UNC5D: variants seen among roughly 807,000 people sequenced by gnomAD.
UNC5D encodes the protein unc-5 netrin receptor D, also known as netrin receptor UNC5D.
Under a neutral mutation model 105.4 loss-of-function variants are expected in UNC5D, and 39 were observed. That is an observed-to-expected ratio of 0.37 (90% CI 0.29 to 0.48). The LOEUF (loss-of-function observed/expected upper bound fraction) is 0.48. Among genes scored for constraint, UNC5D ranks in the 20% least tolerant of loss-of-function variants. The pLI, the probability that UNC5D is intolerant of heterozygous loss-of-function variation, is 0.98. For missense variants in UNC5D, 991 were observed against 1,202.4 expected (o/e 0.82, Z 2.60); for synonymous variants, 452 against 450.4 (o/e 1.00, Z -0.04).
chr8:35,366,516 A>G (rs975889219), intron 1 of UNC5D, among the ~76,000 whole-genome samples: 2 of 152,076 alleles, frequency 1.3e-5, no homozygotes, highest in Admixed American at 6.6e-5. Context: ...TTGTCAGCTC[A>G]TCTAGCAAAC....
intron 1 of UNC5D, among the ~76,000 whole-genome samples, chr8:35,455,105 C>T (rs184149710): frequency 2.0e-4 from 31 of 152,196 alleles, no homozygotes; most frequent in African/African-American, 7.2e-4. Flanking sequence ...AATTACTATA[C>T]AAACAGAAGA....
At chr8:35,505,718 T>C (rs1563481580) in intron 1 of UNC5D, among the ~76,000 whole-genome samples, 1 of 152,212 alleles carries the variant, frequency 6.6e-6, no homozygotes, top group Non-Finnish European at 1.5e-5. Context: ...CAACTTTTCA[T>C]TAGGGGCTGT....
chr8:35,305,922 C>G (rs979346324), intron 1 of UNC5D, among the ~76,000 whole-genome samples: 1 of 120,352 alleles, frequency 8.3e-6, no homozygotes, highest in Admixed American at 1.0e-4. Flanking sequence ...TCATTCTTTT[C>G]TCTCTCTCTC....
intron 16 of UNC5D, among the ~76,000 whole-genome samples, chr8:35,777,788 T>C (rs1375550027): frequency 1.3e-5 from 2 of 152,170 alleles, no homozygotes; most frequent in African/African-American, 4.8e-5. Context: ...TTTAAGTGAA[T>C]TTGCCTTGAT....
chr8:35,533,594 T>C (rs920607555), intron 1 of UNC5D, among the ~76,000 whole-genome samples: 2 of 152,248 alleles, frequency 1.3e-5, no homozygotes, highest in African/African-American at 4.8e-5. Flanking sequence ...GCTTCCTGGC[T>C]GCTTTGTTTA....
chr8:35,612,345 G>A (rs2130986154), intron 4 of UNC5D, among the ~76,000 whole-genome samples: 1 of 152,122 alleles, frequency 6.6e-6, no homozygotes, highest in Non-Finnish European at 1.5e-5. Flanking sequence ...ATGAAAGAAT[G>A]TATTTTTTGT....
rs1824414611 is a variant in UNC5D at position 35,666,257 on chromosome 8, G to A, written c.571-17290G>A. ...AATTGCTAAATATTTTATCCATATA[G>A]GCATCACTAAAGTCAAATAACAATG... On this transcript the variant is annotated intron_variant, in intron 4 of 16. Transcript: ENST00000404895. Among the ~76,000 whole-genome samples the A allele has an allele frequency of 2.0e-5, 3 of 152,028 alleles. No individual in the cohort carries two copies. In the South Asian group the frequency reaches 6.2e-4, roughly 32 times the overall value.
At chr8:35,298,800 T>C (rs565986240) in intron 1 of UNC5D, among the ~76,000 whole-genome samples, 1 of 152,316 alleles carries the variant, frequency 6.6e-6, no homozygotes, top group East Asian at 1.9e-4. Flanking sequence ...TGAATTTAAG[T>C]ATTGGCATTT....
intron 1 of UNC5D, among the ~76,000 whole-genome samples, chr8:35,287,884 A>C (rs1214896963): frequency 6.6e-6 from 1 of 152,172 alleles, no homozygotes; most frequent in African/African-American, 2.4e-5. Flanking sequence ...CAGTGAGTTC[A>C]AATATAGGAC....
chr8:35,412,144 A>C (rs569407394), intron 1 of UNC5D, among the ~76,000 whole-genome samples: 1 of 152,174 alleles, frequency 6.6e-6, no homozygotes, highest in African/African-American at 2.4e-5. Flanking sequence ...CATCATCTTC[A>C]GTAGAATTGC....
chr8:35,310,996 A>C (rs150143444), intron 1 of UNC5D, among the ~76,000 whole-genome samples: 16 of 152,314 alleles, frequency 1.1e-4, no homozygotes, highest in African/African-American at 3.6e-4. Context: ...CCCTAATTTG[A>C]CAAATAATTG....
intron 4 of UNC5D, among the ~76,000 whole-genome samples, chr8:35,615,890 T>C (rs924197196): frequency 6.6e-6 from 1 of 152,218 alleles, no homozygotes; most frequent in Non-Finnish European, 1.5e-5. Flanking sequence ...AGTAAACTCT[T>C]AAAGTTGAAT....
chr8:35,703,891 A>T (rs1407787454), intron 7 of UNC5D, among the ~76,000 whole-genome samples: 1 of 152,242 alleles, frequency 6.6e-6, no homozygotes, highest in Non-Finnish European at 1.5e-5. Flanking sequence ...GATACTGTGC[A>T]ATAAGCAAAA....
At chr8:35,600,589 A>C (rs1417806122) in intron 4 of UNC5D, among the ~76,000 whole-genome samples, 1 of 152,102 alleles carries the variant, frequency 6.6e-6, no homozygotes, top group Non-Finnish European at 1.5e-5. Context: ...TGGCTGCATA[A>C]ATGTCTTCTT....
intron 13 of UNC5D, 98 bp downstream of exon 13, chr8:35,750,907 A>G: frequency 1.4e-6 from 2 of 1,441,572 alleles, no homozygotes; most frequent in Non-Finnish European, 1.9e-6. Context: ...GAGGGTCTAG[A>G]AAATGAACCC....
At chr8:35,495,458 C>CAAAAAAAAAAAAAAAAAAAAAA (rs71547636) in intron 1 of UNC5D, among the ~76,000 whole-genome samples, 3 of 44,628 alleles carry the variant, frequency 6.7e-5, no homozygotes, top group Non-Finnish European at 7.6e-5. Flanking sequence ...ACAACAACAA[C>CAAAAAAAAAAAAAAAAAAAAAA]AAAAAAAAAA....
Position 35,691,679 on chromosome 8 carries a change from C to T in UNC5D, c.1084+4970C>T, listed in dbSNP as rs564813277. On this transcript the variant is annotated intron_variant, in intron 7 of 16. Coordinates refer to ENST00000404895, the MANE Select transcript of UNC5D (RefSeq NM_080872.4). Reference sequence around the variant, plus strand: ...TGTCAAGAAGCAAGAACTTGTTGATCCATGTTTTCTGAGCTTGAACACCAG... The same window carrying T: ...TGTCAAGAAGCAAGAACTTGTTGATTCATGTTTTCTGAGCTTGAACACCAG... Among the ~76,000 whole-genome samples, 12 of 152,212 alleles carry T rather than the reference C, an allele frequency of 7.9e-5. No individual in the cohort carries two copies. In the South Asian group the frequency reaches 2.3e-3, roughly 29 times the overall value.
chr8:35,354,623 C>A (rs1020324231), intron 1 of UNC5D, among the ~76,000 whole-genome samples: 9 of 152,134 alleles, frequency 5.9e-5, no homozygotes, highest in Non-Finnish European at 1.3e-4. Flanking sequence ...ACCAGAAAAG[C>A]AGGTTGTTAC....
intron 2 of UNC5D, among the ~76,000 whole-genome samples, chr8:35,558,889 A>C (rs909176251): frequency 6.6e-6 from 1 of 152,072 alleles, no homozygotes; most frequent in African/African-American, 2.4e-5. Flanking sequence ...AGGCTGAGGC[A>C]CAAGTATTGC....
Sources: gnomAD v4.1 joint callset for allele counts (sites outside exome capture counted in the v4.1 genomes callset) on GRCh38, gnomAD v4.1.1 for gene constraint, MANE v1.5 for transcripts, NCBI Gene and HGNC (gene_info 2026-07-23, HGNC 2026-07-21) for gene names.